Variants in PHF3 observed in about 807,000 individuals in gnomAD.
PHF3 encodes the protein PHD finger protein 3.
Under a neutral mutation model 178.4 loss-of-function variants are expected in PHF3, and 41 were observed. That is an observed-to-expected ratio of 0.23 (90% CI 0.18 to 0.30). PHF3 has a LOEUF of 0.30. Ranked by LOEUF, PHF3 falls within the 10% of genes least tolerant of loss-of-function variation. The pLI is 1.00. For synonymous variants in PHF3, 842 were observed against 800.5 expected, an observed-to-expected ratio of 1.05 and a Z score of -0.88; for missense variants, 2,346 against 2,398.1, an observed-to-expected ratio of 0.98 and a Z score of 0.45.
In PHF3 at chr6:63,720,140, A is replaced by C. The variant is rs1372995402; in HGVS notation, c.*6432A>C. The C allele has an allele frequency of 1.8e-5, 3 of 169,770 alleles. No homozygotes were observed. The highest frequency in any genetic ancestry group is 6.3e-5 in the Admixed American group (1 of 15,830). 10.5% of individuals were successfully genotyped at this position (169,770 alleles called of 1,614,324 possible). A position where few individuals can be genotyped will look rare whatever the true frequency, so the allele number is the denominator to read the frequency against. Reference sequence around the variant, plus strand: ...AAGCCATGTAATACAATATGGTTACATTGCTTTGTATAATTTTTATTTTTC... The same window carrying C: ...AAGCCATGTAATACAATATGGTTACCTTGCTTTGTATAATTTTTATTTTTC... On this transcript the variant is annotated 3_prime_UTR_variant, in exon 16 of 16. Transcript: ENST00000262043.
intron 4 of PHF3, among the ~76,000 whole-genome samples, chr6:63,687,809 C>T (rs1350216840): frequency 6.6e-6 from 1 of 152,078 alleles, no homozygotes; most frequent in Non-Finnish European, 1.5e-5. Context: ...CTTGCTGCCA[C>T]CTTTTGGATC....
At position 63,712,504 on chromosome 6, in the gene PHF3, C is replaced by T. The variant is rs1314996762; in HGVS notation, c.4916C>T (p.Thr1639Ile). Reference sequence around the variant, plus strand: ...TGTAGTGAAAACCTTGTTGCTAATACAGCGAGGTCTCCACAGTTTATCAAC... The same window carrying T: ...TGTAGTGAAAACCTTGTTGCTAATATAGCGAGGTCTCCACAGTTTATCAAC... ...VSCSENLVAN[T>I]ARSPQFINLK... Residue 1639 changes from threonine (T) to isoleucine (I), a missense_variant, in exon 16 of 16, where the codon ACA (threonine) becomes ATA (isoleucine). By Grantham distance (89) the Thr-to-Ile change is moderately conservative. Coordinates refer to ENST00000262043, the MANE Select transcript of PHF3 (RefSeq NM_001370348.2). 6.2e-7 allele frequency: 1 copy of T among 1,613,886 alleles called. No homozygotes were observed. Among genetic ancestry groups the T allele is most frequent in the Non-Finnish European group, 8.5e-7 (1 of 1,179,910 alleles).
In PHF3 at chr6:63,698,551, A is replaced by G; in HGVS notation, c.2928A>G (p.Lys976=). ...CTTTTTTTCGGGACACAGATGCTAAATATAAGAACAAATATAGAAGTTTGA... is the reference window on the plus strand; with the variant it reads ...CTTTTTTTCGGGACACAGATGCTAAGTATAAGAACAAATATAGAAGTTTGA... ...LFSFFRDTDA[K]YKNKYRSLMF... Residue 976 remains lysine, a synonymous_variant, in exon 8 of 16, where the codon AAA becomes AAG. Transcript: ENST00000262043. 1.3e-6 allele frequency: 2 copies of G among 1,592,664 alleles called. No individual in the cohort carries two copies. The highest frequency in any genetic ancestry group is 1.2e-5 in the South Asian group (1 of 86,210).
At chr6:63,673,822 G>T (rs1416459533) in intron 2 of PHF3, among the ~76,000 whole-genome samples, 2 of 152,174 alleles carry the variant, frequency 1.3e-5, no homozygotes, top group East Asian at 3.9e-4. Flanking sequence ...CCAAAAAGGT[G>T]AATATCTCCT....
intron 8 of PHF3, 50 bp from the exon 9 acceptor site, chr6:63,700,300 C>A: frequency 1.3e-6 from 1 of 777,248 alleles, no homozygotes; most frequent in Non-Finnish European, 2.2e-6. Context: ...GTGTAGTAGC[C>A]ACTCAAAATG....
In PHF3 at chr6:63,691,976, A is replaced by T. The variant is rs765967600; in HGVS notation, c.2429A>T (p.His810Leu). 65 of 1,613,854 alleles carry T rather than the reference A, an allele frequency of 4.0e-5. No homozygotes were observed. Among genetic ancestry groups the T allele is most frequent in the Non-Finnish European group, 5.4e-5 (64 of 1,179,886 alleles). ...TGTGAAAAGCTTGGATTATCAAAAC[A>T]CACAACAAATGATAGAACCAAATAT... ...MECEKLGLSK[H>L]TTNDRTKYID... The change falls in exon 5 of 16, where the codon CAC (histidine) becomes CTC (leucine). Residue 810 changes from histidine to leucine, a missense_variant. Transcript: ENST00000262043.
intron 2 of PHF3, among the ~76,000 whole-genome samples, chr6:63,676,556 T>G (rs1766174144): frequency 6.6e-6 from 1 of 152,172 alleles, no homozygotes; most frequent in African/African-American, 2.4e-5. Flanking sequence ...GATGGGCTTA[T>G]GCTTCCCTAT....
chr6:63,666,422 A>G (rs1765684258), intron 2 of PHF3, among the ~76,000 whole-genome samples: 1 of 151,688 alleles, frequency 6.6e-6, no homozygotes, highest in East Asian at 1.9e-4. Context: ...TCTTTAATAT[A>G]TATATATTTG....
At chr6:63,664,163 T>C (rs1355737725) in intron 2 of PHF3, among the ~76,000 whole-genome samples, 1 of 152,196 alleles carries the variant, frequency 6.6e-6, no homozygotes, top group Non-Finnish European at 1.5e-5. Flanking sequence ...CTGAGATCAG[T>C]ACCTTTTCCT....
chr6:63,671,256 A>G (rs1477190657), intron 2 of PHF3, among the ~76,000 whole-genome samples: 1 of 152,200 alleles, frequency 6.6e-6, no homozygotes, highest in African/African-American at 2.4e-5. Context: ...TTGTTTAACA[A>G]ATATTTATTG....
chr6:63,691,896 T>A lies in PHF3; in HGVS notation c.2349T>A (p.Asp783Glu), dbSNP rs1767018762. 6.2e-7 allele frequency: 1 copy of A among 1,613,808 alleles called. No individual in the cohort carries two copies. The highest frequency in any genetic ancestry group is 8.5e-7 in the Non-Finnish European group (1 of 1,179,878). ...AAAAGACTGAAATACTAGATCCAGA[T>A]ACTTTGGAAAACCAAGCTACAGTTG... is the stretch of plus-strand genomic sequence containing the variant. ...EDKKTEILDP[D>E]TLENQATVEF... The change falls in exon 5 of 16, where the codon GAT becomes GAA. Residue 783 changes from aspartate to glutamate, a missense_variant. Around this residue, in one of 8 missense-constraint regions of PHF3, gnomAD observed 252 missense variants for 232.0 expected, o/e 1.09. Transcript: ENST00000262043.
intron 2 of PHF3, among the ~76,000 whole-genome samples, chr6:63,647,838 G>GA: frequency 6.6e-6 from 1 of 152,248 alleles, no homozygotes; most frequent in Middle Eastern, 3.4e-3. Flanking sequence ...GCCTCCCATG[G>GA]AACAGTAAGG....
At position 63,685,761 on chromosome 6, in the gene PHF3, G is replaced by A. The variant is rs1450608351; in HGVS notation, c.2039G>A (p.Ser680Asn). The change falls in exon 4 of 16, where the codon AGT (serine) becomes AAT (asparagine). Residue 680 changes from serine to asparagine, a missense_variant. Physicochemically the swap from Ser to Asn is conservative, Grantham distance 46. Coordinates refer to ENST00000262043, the MANE Select transcript of PHF3 (RefSeq NM_001370348.2). Reference sequence around the variant, plus strand: ...CCCCGCCAAAGAAGAAGCAGCAAAAGTTTTTCTTTAGATGAGCCACCATTG... The same window carrying A: ...CCCCGCCAAAGAAGAAGCAGCAAAAATTTTTCTTTAGATGAGCCACCATTG... ...LQPRQRRSSK[S>N]FSLDEPPLFI... is the part of the protein sequence containing the mutation. 1.2e-6 allele frequency: 2 copies of A among 1,613,946 alleles called. No individual in the cohort carries two copies. Among genetic ancestry groups the A allele is most frequent in the Admixed American group, 3.3e-5 (2 of 59,992 alleles).
Position 63,716,618 on chromosome 6 carries a change from G to C in PHF3, c.*2910G>C, listed in dbSNP as rs535282414. Among the ~76,000 whole-genome samples the C allele has an allele frequency of 2.0e-5, 3 of 151,698 alleles. No individual in the cohort carries two copies. Among genetic ancestry groups the C allele is most frequent in the African/African-American group, 7.3e-5 (3 of 41,360 alleles). ...CAGAAGTCTGTGCAGATCTCACTGG[G>C]TAAGATCAAGGTGTCAGCAAGATGC... is the stretch of plus-strand genomic sequence containing the variant. On this transcript the variant is annotated 3_prime_UTR_variant, in exon 16 of 16. Transcript: ENST00000262043.
Position 63,719,701 on chromosome 6 carries a change from T to C in PHF3, c.*5993T>C, listed in dbSNP as rs1447593223. Among the ~76,000 whole-genome samples, 1 of 152,120 alleles carries C rather than the reference T, an allele frequency of 6.6e-6. No homozygotes were observed. Among genetic ancestry groups the C allele is most frequent in the Admixed American group, 6.6e-5 (1 of 15,234 alleles). Reference sequence around the variant, plus strand: ...ATGGCATTGTTTAGAACCTATTTTATGCCCAATTTTGAGATCTGTATAGAC... The same window carrying C: ...ATGGCATTGTTTAGAACCTATTTTACGCCCAATTTTGAGATCTGTATAGAC... On this transcript the variant is annotated 3_prime_UTR_variant, in exon 16 of 16. Coordinates refer to ENST00000262043, the MANE Select transcript of PHF3 (RefSeq NM_001370348.2).
At chr6:63,693,617 AAATG>A (rs1767103594) in intron 5 of PHF3, among the ~76,000 whole-genome samples, 1 of 152,242 alleles carries the variant, frequency 6.6e-6, no homozygotes, top group Non-Finnish European at 1.5e-5. Context: ...TCTCATAAAT[AAATG>A]AAAAGACATC....
At chr6:63,639,134 T>C (rs181397447) in intron 1 of PHF3, among the ~76,000 whole-genome samples, 1 of 152,314 alleles carries the variant, frequency 6.6e-6, no homozygotes, top group African/African-American at 2.4e-5. Flanking sequence ...TTTTTAATGG[T>C]ATTTTAAAAT....
At position 63,721,281 on chromosome 6, in the gene PHF3, A is replaced by T. The variant is rs764362221; in HGVS notation, c.*7573A>T. ...AGATTGGTGGAGGCAAAGATTATTC[A>T]AACAGGACACAGACTGGTTACATGT... On this transcript the variant is annotated 3_prime_UTR_variant, in exon 16 of 16. Transcript: ENST00000262043. 5.2e-6 allele frequency: 8 copies of T among 1,551,866 alleles called. No homozygotes were observed. In the South Asian group the frequency reaches 9.5e-5, roughly 18 times the overall value.
At chr6:63,667,146 C>G (rs1765716345) in intron 2 of PHF3, among the ~76,000 whole-genome samples, 1 of 152,086 alleles carries the variant, frequency 6.6e-6, no homozygotes, top group Non-Finnish European at 1.5e-5. Context: ...ACTCAGCCTT[C>G]CCAAATATTT....
Sources: allele counts gnomAD v4.1 joint callset (sites outside exome capture counted in the v4.1 genomes callset), GRCh38; gene constraint gnomAD v4.1.1; regional missense constraint gnomAD v4.1.1; transcripts MANE v1.5; gene names NCBI Gene and HGNC (gene_info 2026-07-23, HGNC 2026-07-21).